The following GPC3 variants were observed in gnomAD, a reference collection of about 807,000 sequenced individuals.
GPC3 encodes the protein glypican-3.
In GPC3, 3 loss-of-function variants were observed where a neutral mutation model predicts 34.4. The ratio of observed to expected loss-of-function variants is 0.09; its 90% CI spans 0.04 to 0.23. The LOEUF (loss-of-function observed/expected upper bound fraction) is 0.23, where lower values mean the gene tolerates loss of function less well. Ranked by LOEUF, GPC3 falls within the 10% of genes least tolerant of loss-of-function variation. The pLI is 1.00. For synonymous variants in GPC3, 177 were observed against 174.0 expected (o/e 1.02, Z -0.13); for missense variants, 351 against 445.6 (o/e 0.79, Z 1.91).
chrX:133,661,115 G>A (rs1016790770), intron 6 of GPC3, among the ~76,000 whole-genome samples: 4 of 111,514 alleles, frequency 3.6e-5, no homozygotes, highest in African/African-American at 1.3e-4. Flanking sequence ...ACTGCAGTAA[G>A]CCATGACTGT....
At chrX:133,702,794 C>T (rs1226692993) in intron 3 of GPC3, among the ~76,000 whole-genome samples, 3 of 111,736 alleles carry the variant, frequency 2.7e-5, no homozygotes, top group Non-Finnish European at 5.6e-5. Context: ...CCCTACTCCT[C>T]CATCTGAAAT....
At chrX:133,749,126 T>C (rs1049606125) in intron 3 of GPC3, among the ~76,000 whole-genome samples, 2 of 111,523 alleles carry the variant, frequency 1.8e-5, no homozygotes, top group African/African-American at 3.3e-5. Context: ...CCAGGTATTA[T>C]GGCACGCGCC....
chrX:133,753,856 A>G lies in GPC3; in HGVS notation c.658T>C (p.Ser220Pro). Residue 220 changes from serine to proline, a missense_variant, in exon 3 of 8, where the codon TCC (serine) becomes CCC (proline). Transcript: ENST00000370818. ...ATCCTAGTGACTTGCAGTGACTTGG[A>G]AACCTGGGTCATAATAAGCTTGGGG... The part of the protein sequence containing the change: ...NFPKLIMTQV[S>P]KSLQVTRIFL... 1 of 1,211,797 alleles carries G rather than the reference A, an allele frequency of 8.3e-7. No individual in the cohort carries two copies. Among genetic ancestry groups the G allele is most frequent in the East Asian group, 3.0e-5 (1 of 33,848 alleles).
intron 3 of GPC3, among the ~76,000 whole-genome samples, chrX:133,725,368 A>G (rs979031691): frequency 6.3e-5 from 7 of 111,899 alleles, no homozygotes; most frequent in African/African-American, 2.3e-4. Flanking sequence ...TATTATTATA[A>G]AAAAAGAAAA....
chrX:133,614,471 A>G (rs1440305759), intron 6 of GPC3, among the ~76,000 whole-genome samples: 2 of 98,400 alleles, frequency 2.0e-5, no homozygotes, highest in Non-Finnish European at 3.8e-5. Context: ...CACTGAAAGA[A>G]AAAAAAAAAA....
chrX:133,699,399 A>G (rs1006107205), intron 4 of GPC3, among the ~76,000 whole-genome samples: 1 of 112,049 alleles, frequency 8.9e-6, no homozygotes, highest in Non-Finnish European at 1.9e-5. Flanking sequence ...ATAAGAAACA[A>G]ACGTGGATTT....
At chrX:133,728,166 A>T (rs2071428830) in intron 3 of GPC3, among the ~76,000 whole-genome samples, 1 of 111,791 alleles carries the variant, frequency 8.9e-6, no homozygotes, top group South Asian at 3.7e-4. Flanking sequence ...TTCTCCCCAC[A>T]TGCAAACAGC....
chrX:133,578,890 T>C (rs1434694541), intron 7 of GPC3, among the ~76,000 whole-genome samples: 2 of 109,012 alleles, frequency 1.8e-5, no homozygotes, highest in Non-Finnish European at 3.8e-5. Context: ...GGGATGGGGG[T>C]TGGGGAGGCT....
At chrX:133,815,576 T>TA (rs771305542) in intron 2 of GPC3, among the ~76,000 whole-genome samples, 144 of 112,122 alleles carry the variant, frequency 1.3e-3, no homozygotes, top group African/African-American at 4.6e-3. Context: ...CTAAAAAAAC[T>TA]AAAAAAACTT....
At chrX:133,829,469 C>T (rs776357914) in intron 2 of GPC3, among the ~76,000 whole-genome samples, 3 of 111,788 alleles carry the variant, frequency 2.7e-5, no homozygotes, top group East Asian at 2.8e-4. Flanking sequence ...CCAAATAGTC[C>T]TAGCAAACAT....
intron 2 of GPC3, among the ~76,000 whole-genome samples, chrX:133,779,187 C>T (rs2072019911): frequency 8.9e-6 from 1 of 112,655 alleles, no homozygotes; most frequent in Non-Finnish European, 1.9e-5. Flanking sequence ...TATTCTCACT[C>T]TTTTCCTCTT....
chrX:133,798,440 C>T (rs2075593073), intron 2 of GPC3, among the ~76,000 whole-genome samples: 1 of 112,074 alleles, frequency 8.9e-6, no homozygotes, highest in South Asian at 3.7e-4. Context: ...CTGCTAGATA[C>T]CGACACTGCT....
chrX:133,568,262 T>A (rs2069598553), intron 7 of GPC3, among the ~76,000 whole-genome samples: 1 of 111,674 alleles, frequency 9.0e-6, no homozygotes, highest in Non-Finnish European at 1.9e-5. Context: ...TTTGCACATC[T>A]CCACCACATT....
chrX:133,640,785 C>T (rs112373482), intron 6 of GPC3, among the ~76,000 whole-genome samples: 7 of 111,973 alleles, frequency 6.3e-5, no homozygotes, highest in African/African-American at 1.3e-4. Flanking sequence ...CCTCTTGTGC[C>T]GTCCTATCGC....
intron 1 of GPC3, among the ~76,000 whole-genome samples, chrX:133,978,849 T>C (rs2076527016): frequency 1.8e-5 from 2 of 111,933 alleles, no homozygotes; most frequent in African/African-American, 3.2e-5. Flanking sequence ...AGGGAAGATA[T>C]CATTAGAAAC....
chrX:133,957,295 C>T (rs969130374), intron 1 of GPC3, among the ~76,000 whole-genome samples: 20 of 111,552 alleles, frequency 1.8e-4, no homozygotes, highest in African/African-American at 6.5e-4. Flanking sequence ...AAATACATGC[C>T]AAAGGAAAAG....
intron 2 of GPC3, among the ~76,000 whole-genome samples, chrX:133,868,280 C>T (rs1392205451): frequency 8.9e-6 from 1 of 112,132 alleles, no homozygotes; most frequent in African/African-American, 3.2e-5. Flanking sequence ...TCTGCATGCT[C>T]CCCCTCCTGT....
At chrX:133,556,111 A>T (rs1267678950) in intron 7 of GPC3, among the ~76,000 whole-genome samples, 1 of 111,587 alleles carries the variant, frequency 9.0e-6, no homozygotes, top group African/African-American at 3.3e-5. Flanking sequence ...ATGTTCTTAT[A>T]ATTTCTCACC....
At chrX:133,900,501 T>C (rs1413521525) in intron 2 of GPC3, among the ~76,000 whole-genome samples, 1 of 111,839 alleles carries the variant, frequency 8.9e-6, no homozygotes, top group Non-Finnish European at 1.9e-5. Flanking sequence ...ACTTATTTCT[T>C]ACTCCATGTG....
Sources: allele counts gnomAD v4.1 joint callset (sites outside exome capture counted in the v4.1 genomes callset), GRCh38; gene constraint gnomAD v4.1.1; transcripts MANE v1.5; gene names NCBI Gene and HGNC (gene_info 2026-07-23, HGNC 2026-07-21).